The following AGBL1 variants were observed in gnomAD, a reference collection of about 807,000 sequenced individuals.
AGBL1 encodes the protein AGBL carboxypeptidase 1.
AGBL1 carries 130 observed loss-of-function variants against 118.9 expected under a neutral mutation model. The ratio of observed to expected loss-of-function variants is 1.09; its 90% confidence interval spans 0.95 to 1.26. AGBL1 has a LOEUF of 1.26. Ranked by LOEUF, AGBL1 falls within the 50% of genes most tolerant of loss-of-function variation. The pLI, the probability that AGBL1 is intolerant of heterozygous loss-of-function variation, is 0.00. For synonymous variants in AGBL1, 555 were observed against 478.9 expected (o/e 1.16, Z -2.08); for missense variants, 1,584 against 1,298.1 (o/e 1.22, Z -3.38).
At chr15:86,459,761 A>T (rs1358514009) in intron 18 of AGBL1, among the ~76,000 whole-genome samples, 1 of 152,130 alleles carries the variant, frequency 6.6e-6, no homozygotes, top group African/African-American at 2.4e-5. Flanking sequence ...TCTGACTCCT[A>T]AGGGTATATT....
chr15:87,003,557 C>G (rs146257315), intron 24 of AGBL1, among the ~76,000 whole-genome samples: 1 of 151,908 alleles, frequency 6.6e-6, no homozygotes, highest in African/African-American at 2.4e-5. Flanking sequence ...GAATGGTACC[C>G]GCTCCTCCTT....
chr15:87,018,487 C>G (rs2081629855), intron 24 of AGBL1, among the ~76,000 whole-genome samples: 1 of 151,934 alleles, frequency 6.6e-6, no homozygotes, highest in Non-Finnish European at 1.5e-5. Context: ...ATTTCCAACC[C>G]AGAAATTTAT....
At chr15:86,147,357 A>T (rs1010757882) in intron 3 of AGBL1, among the ~76,000 whole-genome samples, 1 of 152,216 alleles carries the variant, frequency 6.6e-6, no homozygotes, top group Non-Finnish European at 1.5e-5. Flanking sequence ...TCCCTGTCCT[A>T]GGTGAGGGAA....
chr15:86,803,357 C>T (rs1231720688), intron 22 of AGBL1, among the ~76,000 whole-genome samples: 1 of 152,156 alleles, frequency 6.6e-6, no homozygotes, highest in Non-Finnish European at 1.5e-5. Flanking sequence ...GCTTCCCCTT[C>T]ACCTTCTGCC....
chr15:86,851,043 G>A (rs1451041070), intron 22 of AGBL1, among the ~76,000 whole-genome samples: 1 of 152,108 alleles, frequency 6.6e-6, no homozygotes, highest in Non-Finnish European at 1.5e-5. Flanking sequence ...AATTATTGAA[G>A]GGACTGGATT....
intron 22 of AGBL1, among the ~76,000 whole-genome samples, chr15:86,866,886 A>C (rs1466397695): frequency 6.6e-6 from 1 of 152,230 alleles, no homozygotes; most frequent in Non-Finnish European, 1.5e-5. Flanking sequence ...GAGACTGTAG[A>C]AGTCAGAAAA....
intron 22 of AGBL1, among the ~76,000 whole-genome samples, chr15:86,815,471 A>G (rs1189141060): frequency 6.6e-6 from 1 of 152,126 alleles, no homozygotes. Context: ...AAAGAGACCA[A>G]TCATTTTTGG....
chr15:86,101,976 G>A (rs546243047), intron 1 of AGBL1, among the ~76,000 whole-genome samples: 73 of 149,538 alleles, frequency 4.9e-4, no homozygotes, highest in Non-Finnish European at 8.4e-4. Context: ...CTCTCACATT[G>A]TTAATCATTG....
At chr15:86,832,154 A>G (rs1392045421) in intron 22 of AGBL1, among the ~76,000 whole-genome samples, 1 of 152,160 alleles carries the variant, frequency 6.6e-6, no homozygotes, top group Non-Finnish European at 1.5e-5. Context: ...CCATGAAACC[A>G]TATTTTCCTC....
intron 22 of AGBL1, among the ~76,000 whole-genome samples, chr15:86,893,792 A>G (rs1272650702): frequency 2.0e-5 from 3 of 152,190 alleles, no homozygotes; most frequent in African/African-American, 7.2e-5. Flanking sequence ...ACTATGTGTG[A>G]GGTTCTATGC....
In AGBL1 at chr15:86,235,451, TG is replaced by T. The variant is rs539561843; in HGVS notation, c.526+10501del. On this transcript the variant is annotated intron_variant, in intron 6 of 22. Coordinates refer to ENST00000614907, the MANE Select transcript of AGBL1 (RefSeq NM_001386094.1). ...TCTAAATGTCTTAAATTTTAGAACT[TG>T]TATCATCCCGGCATAATTGATGACT... Among the ~76,000 whole-genome samples the T allele has an allele frequency of 2.2e-3, 339 of 152,336 alleles. 2 individuals carry two copies. Among genetic ancestry groups the T allele is most frequent in the African/African-American group, 7.9e-3 (329 of 41,578 alleles).
In AGBL1 at chr15:86,555,389, T is replaced by A. The variant is rs539172012; in HGVS notation, c.2994+852T>A. Among the ~76,000 whole-genome samples, 62 of 152,282 alleles carry A rather than the reference T, an allele frequency of 4.1e-4. 1 individual carries two copies. In the South Asian group the frequency reaches 0.011, roughly 28 times the overall value. ...ACAGCTAGGAAGCACTTGGCATCTA[T>A]GCAATCCTGAGCTTGTAGAAATCTG... On this transcript the variant is annotated intron_variant, in intron 21 of 22. Transcript: ENST00000614907.
At chr15:86,352,787 CT>C (rs2080649298) in intron 17 of AGBL1, among the ~76,000 whole-genome samples, 1 of 152,074 alleles carries the variant, frequency 6.6e-6, no homozygotes, top group Non-Finnish European at 1.5e-5. Flanking sequence ...TGCCCAGCCA[CT>C]TTTTCTTTAC....
intron 22 of AGBL1, among the ~76,000 whole-genome samples, chr15:86,730,240 C>T (rs1192681913): frequency 1.3e-5 from 2 of 151,996 alleles, no homozygotes; most frequent in African/African-American, 4.8e-5. Flanking sequence ...GCAATTGCAA[C>T]AAAAACAAAA....
At chr15:86,641,412 T>TA (rs1596330343) in intron 21 of AGBL1, among the ~76,000 whole-genome samples, 11 of 151,556 alleles carry the variant, frequency 7.3e-5, no homozygotes, top group South Asian at 2.1e-4. Context: ...TCAATTTTTT[T>TA]TAAAAAAAAA....
rs56307079 is a variant in AGBL1 at position 86,927,935 on chromosome 15, C to CATATATAT, written c.3222-60046_3222-60039dup. Among the ~76,000 whole-genome samples, 123 of 150,642 alleles carry CATATATAT rather than the reference C, an allele frequency of 8.2e-4. No individual in the cohort carries two copies. In the South Asian group the frequency reaches 0.02, roughly 24 times the overall value. On this transcript the variant is annotated intron_variant, in intron 23 of 24. Coordinates refer to the AGBL1 transcript ENST00000441037. ...CAGCAAATTCATAGTTTTATATATG[C>CATATATAT]ATATATATATATAAAATGTGTGTGT...
chr15:86,689,501 C>G (rs1273065289), intron 22 of AGBL1, among the ~76,000 whole-genome samples: 1 of 152,072 alleles, frequency 6.6e-6, no homozygotes, highest in Non-Finnish European at 1.5e-5. Flanking sequence ...AAATCTTTGT[C>G]AAGCCTCTCA....
Position 86,910,605 on chromosome 15 carries a change from G to C in AGBL1, c.*3311G>C, listed in dbSNP as rs984743459. 3.3e-5 allele frequency: 5 copies of C among 152,186 alleles called. No individual in the cohort carries two copies. The highest frequency in any genetic ancestry group is 7.3e-5 in the Non-Finnish European group (5 of 68,050). 9.4% of individuals were successfully genotyped at this position (152,186 alleles called of 1,614,324 possible). ...GTGATACTACTATATTTGAAGAGCA[G>C]AACGTTTGCATTCAGGTCAAAGATA... On this transcript the variant is annotated 3_prime_UTR_variant, in exon 23 of 23. Coordinates refer to ENST00000614907, the MANE Select transcript of AGBL1 (RefSeq NM_001386094.1).
chr15:86,512,277 G>GT (rs1567033326), intron 18 of AGBL1, among the ~76,000 whole-genome samples: 1 of 151,710 alleles, frequency 6.6e-6, no homozygotes, highest in African/African-American at 2.4e-5. Flanking sequence ...GTTTATCTGG[G>GT]TTTTTTCTAA....
Sources: gnomAD v4.1 joint callset for allele counts (sites outside exome capture counted in the v4.1 genomes callset) on GRCh38, gnomAD v4.1.1 for gene constraint, MANE v1.5 for transcripts, NCBI Gene and HGNC (gene_info 2026-07-23, HGNC 2026-07-21) for gene names.